The following PEBP4 variants were observed in gnomAD, a reference collection of about 807,000 sequenced individuals.
PEBP4 encodes the protein phosphatidylethanolamine-binding protein 4.
In PEBP4, 22 loss-of-function variants were observed where a neutral mutation model predicts 23.9. The ratio of observed to expected loss-of-function variants is 0.92; its 90% CI spans 0.66 to 1.31. The LOEUF (loss-of-function observed/expected upper bound fraction) is 1.31, where lower values mean the gene tolerates loss of function less well. Ranked by LOEUF, PEBP4 falls within the 40% of genes most tolerant of loss-of-function variation. The pLI, the probability that PEBP4 is intolerant of heterozygous loss-of-function variation, is 0.00. For synonymous variants in PEBP4, 112 were observed against 99.3 expected, an observed-to-expected ratio of 1.13 and a Z score of -0.76; for missense variants, 324 against 281.7, an observed-to-expected ratio of 1.15 and a Z score of -1.07.
chr8:22,888,430 C>T (rs898809579), intron 3 of PEBP4, among the ~76,000 whole-genome samples: 1 of 152,074 alleles, frequency 6.6e-6, no homozygotes, highest in South Asian at 2.1e-4. Flanking sequence ...TTGGGATTAC[C>T]GGATGCCCCA....
intron 3 of PEBP4, among the ~76,000 whole-genome samples, chr8:22,873,927 C>T (rs997705838): frequency 6.6e-6 from 1 of 152,154 alleles, no homozygotes; most frequent in Non-Finnish European, 1.5e-5. Flanking sequence ...CTCCCTGTTT[C>T]TCTAGCTTCC....
chr8:22,918,501 C>G (rs536584568), intron 3 of PEBP4, among the ~76,000 whole-genome samples: 2 of 152,270 alleles, frequency 1.3e-5, no homozygotes, highest in African/African-American at 4.8e-5. Context: ...CCAAATCAAA[C>G]CAAAGACTTT....
chr8:22,843,811 G>A (rs1807373222), intron 3 of PEBP4, among the ~76,000 whole-genome samples: 1 of 152,180 alleles, frequency 6.6e-6, no homozygotes, highest in African/African-American at 2.4e-5. Context: ...TGGATCAAGG[G>A]TGAAGACGAT....
chr8:22,846,728 T>C (rs568609843), intron 3 of PEBP4, among the ~76,000 whole-genome samples: 5 of 152,274 alleles, frequency 3.3e-5, no homozygotes, highest in Non-Finnish European at 7.4e-5. Context: ...ACATCTACCA[T>C]GGCCTCACAG....
intron 4 of PEBP4, among the ~76,000 whole-genome samples, chr8:22,736,700 T>G (rs1804867678): frequency 1.3e-5 from 2 of 152,226 alleles, no homozygotes; most frequent in Non-Finnish European, 2.9e-5. Context: ...CACTTTAAAC[T>G]AAAGACTGCC....
At chr8:22,713,557 C>T (rs773341819) in intron 6 of PEBP4, 21 bp from the exon 7 acceptor site, 1 of 1,614,066 alleles carries the variant, frequency 6.2e-7, no homozygotes, top group Non-Finnish European at 8.5e-7. Flanking sequence ...AAACAGACCA[C>T]AGGGAGGCAG....
upstream of PEBP4, among the ~76,000 whole-genome samples, chr8:22,928,450 C>T (rs1398280142): frequency 6.6e-6 from 1 of 152,170 alleles, no homozygotes; most frequent in Non-Finnish European, 1.5e-5. Context: ...ATAATCGTAT[C>T]TGGAGAAGGA....
At chr8:22,738,177 G>C (rs1041668438) in intron 4 of PEBP4, among the ~76,000 whole-genome samples, 1 of 152,210 alleles carries the variant, frequency 6.6e-6, no homozygotes, top group Non-Finnish European at 1.5e-5. Context: ...AACCCTTGAT[G>C]AGGGGCATTA....
intron 3 of PEBP4, among the ~76,000 whole-genome samples, chr8:22,867,823 T>C (rs535432207): frequency 6.6e-6 from 1 of 152,362 alleles, no homozygotes; most frequent in East Asian, 1.9e-4. Context: ...AAAACTCGGC[T>C]CTTGCTTGGG....
intron 3 of PEBP4, among the ~76,000 whole-genome samples, chr8:22,919,365 C>T (rs181454419): frequency 6.6e-6 from 1 of 152,288 alleles, no homozygotes; most frequent in Admixed American, 6.5e-5. Context: ...GACAGCAGCA[C>T]CTCCTTCTAA....
chr8:22,826,889 TAAAATAAC>T (rs2128763364), intron 3 of PEBP4, among the ~76,000 whole-genome samples: 1 of 152,314 alleles, frequency 6.6e-6, no homozygotes, highest in African/African-American at 2.4e-5. Flanking sequence ...ACCAAACTTA[TAAAATAAC>T]GTGGAATGTG....
chr8:22,787,358 G>C (rs1806048997), intron 4 of PEBP4, among the ~76,000 whole-genome samples: 1 of 152,182 alleles, frequency 6.6e-6, no homozygotes, highest in Non-Finnish European at 1.5e-5. Context: ...AGAGGTCAGA[G>C]GGCAAGAATT....
intron 1 of PEBP4, among the ~76,000 whole-genome samples, chr8:22,937,975 A>T (rs899341221): frequency 6.6e-6 from 1 of 152,210 alleles, no homozygotes; most frequent in Non-Finnish European, 1.5e-5. Flanking sequence ...TGAAACCACA[A>T]AACTCTTAGA....
At chr8:22,781,258 G>A (rs931574184) in intron 4 of PEBP4, among the ~76,000 whole-genome samples, 2 of 152,094 alleles carry the variant, frequency 1.3e-5, no homozygotes, top group African/African-American at 4.8e-5. Context: ...GGCCGGCCCC[G>A]CCTTGCAGTC....
At chr8:22,726,107 G>A (rs761816474) in intron 5 of PEBP4, among the ~76,000 whole-genome samples, 5 of 151,946 alleles carry the variant, frequency 3.3e-5, no homozygotes, top group Non-Finnish European at 7.4e-5. Flanking sequence ...GGTCCCACTC[G>A]GGGTGGGTGT....
chr8:22,759,205 G>T (rs1057414828), intron 4 of PEBP4, among the ~76,000 whole-genome samples: 4 of 152,052 alleles, frequency 2.6e-5, no homozygotes, highest in African/African-American at 9.7e-5. Flanking sequence ...GTCAGGGGTG[G>T]GGGCTGGGAG....
intron 3 of PEBP4, among the ~76,000 whole-genome samples, chr8:22,840,610 A>G (rs1807305573): frequency 6.6e-6 from 1 of 152,144 alleles, no homozygotes; most frequent in African/African-American, 2.4e-5. Context: ...AGAAATTTTC[A>G]GAGTTACCTT....
At chr8:22,785,503 C>T (rs1234946305) in intron 4 of PEBP4, among the ~76,000 whole-genome samples, 1 of 152,184 alleles carries the variant, frequency 6.6e-6, no homozygotes, top group African/African-American at 2.4e-5. Flanking sequence ...TTGAGGTCGG[C>T]GGTCTGGCTT....
chr8:22,916,670 G>T (rs561182534), intron 3 of PEBP4, among the ~76,000 whole-genome samples: 6 of 121,174 alleles, frequency 5.0e-5, no homozygotes, highest in African/African-American at 1.8e-4. Context: ...ATTCATTCAT[G>T]CATTCATGCA....
Sources: allele counts gnomAD v4.1 joint callset (sites outside exome capture counted in the v4.1 genomes callset), GRCh38; gene constraint gnomAD v4.1.1; transcripts MANE v1.5; gene names NCBI Gene and HGNC (gene_info 2026-07-23, HGNC 2026-07-21).